NAALADL2: variants seen among roughly 807,000 people sequenced by gnomAD.
NAALADL2 encodes the protein N-acetylated alpha-linked acidic dipeptidase like 2, also known as inactive N-acetylated-alpha-linked acidic dipeptidase-like protein 2.
A neutral mutation model predicts 87.2 loss-of-function variants in NAALADL2; 76 were observed. That is an observed-to-expected ratio of 0.87 (90% CI 0.72 to 1.05). NAALADL2 has a LOEUF of 1.05. Among genes scored for constraint, NAALADL2 ranks in the 50% least tolerant of loss-of-function variants. NAALADL2 has a pLI of 0.00. For missense variants in NAALADL2, 1,089 were observed against 945.8 expected, an observed-to-expected ratio of 1.15 and a Z score of -1.99; for synonymous variants, 354 against 331.0, an observed-to-expected ratio of 1.07 and a Z score of -0.75.
intron 9 of NAALADL2, among the ~76,000 whole-genome samples, chr3:175,516,409 G>A (rs886709956): frequency 1.3e-5 from 2 of 152,280 alleles, no homozygotes; most frequent in East Asian, 3.9e-4. Flanking sequence ...TGATATGTGT[G>A]AGATAAGTGT....
chr3:175,235,235 AAAT>A (rs1195790651), intron 3 of NAALADL2: 1 of 152,144 alleles, frequency 6.6e-6, no homozygotes, highest in East Asian at 1.9e-4. Flanking sequence ...TAAATATTTG[AAAT>A]AATAACAGTA....
chr3:175,070,588 TTGAA>T (rs1715449494), intron 1 of NAALADL2, among the ~76,000 whole-genome samples: 1 of 152,076 alleles, frequency 6.6e-6, no homozygotes, highest in Admixed American at 6.6e-5. Flanking sequence ...CCTAAGGTGT[TTGAA>T]TGAGTCACTA....
intron 13 of NAALADL2, chr3:175,776,147 T>A (rs1295303238): frequency 6.6e-6 from 1 of 152,208 alleles, no homozygotes; most frequent in Non-Finnish European, 1.5e-5. Flanking sequence ...TCGTTTTGGT[T>A]GCTGCAGTGA....
At chr3:174,823,218 G>T (rs1030484028) in intron 3 of NAALADL2, among the ~76,000 whole-genome samples, 1 of 151,514 alleles carries the variant, frequency 6.6e-6, no homozygotes, top group Non-Finnish European at 1.5e-5. Context: ...TTGTCTGTTT[G>T]TTTGCTTGTT....
At chr3:175,179,713 A>G (rs1736189369) in intron 2 of NAALADL2, among the ~76,000 whole-genome samples, 1 of 151,962 alleles carries the variant, frequency 6.6e-6, no homozygotes, top group Non-Finnish European at 1.5e-5. Context: ...AAGGATTTTG[A>G]GAGGATTGCT....
chr3:174,951,694 A>G (rs374652162), intron 1 of NAALADL2, among the ~76,000 whole-genome samples: 1 of 152,106 alleles, frequency 6.6e-6, no homozygotes, highest in Non-Finnish European at 1.5e-5. Flanking sequence ...GTTGTAATCA[A>G]TATAACTTTG....
At chr3:174,990,960 C>T (rs1025366736) in intron 1 of NAALADL2, among the ~76,000 whole-genome samples, 3 of 152,246 alleles carry the variant, frequency 2.0e-5, no homozygotes, top group Admixed American at 6.5e-5. Context: ...GAATCCTGTT[C>T]ACTGTCAAAA....
intron 2 of NAALADL2, among the ~76,000 whole-genome samples, chr3:174,663,439 A>G (rs1037100543): frequency 6.6e-6 from 1 of 152,198 alleles, no homozygotes; most frequent in African/African-American, 2.4e-5. Context: ...GAAGTATGGC[A>G]GTGCTATCTG....
At chr3:174,628,357 A>G (rs1276394042) in intron 2 of NAALADL2, among the ~76,000 whole-genome samples, 1 of 151,408 alleles carries the variant, frequency 6.6e-6, no homozygotes, top group African/African-American at 2.4e-5. Context: ...GTCACCTGTA[A>G]TCCCAGCTAC....
chr3:174,482,217 T>A (rs1577999030), intron 1 of NAALADL2, among the ~76,000 whole-genome samples: 1 of 152,120 alleles, frequency 6.6e-6, no homozygotes, highest in Admixed American at 6.6e-5. Flanking sequence ...ACAGTGTTCC[T>A]GGTTGGGCCC....
chr3:174,749,386 A>G (rs1734596441), intron 3 of NAALADL2, among the ~76,000 whole-genome samples: 1 of 152,192 alleles, frequency 6.6e-6, no homozygotes, highest in South Asian at 2.1e-4. Context: ...ACGATTGTTA[A>G]TGCTTATGAT....
intron 2 of NAALADL2, among the ~76,000 whole-genome samples, chr3:174,614,491 C>T (rs1262460898): frequency 3.3e-5 from 5 of 152,170 alleles, no homozygotes; most frequent in Non-Finnish European, 7.3e-5. Flanking sequence ...CTGAGTCCAA[C>T]TCAGTGTCTC....
At chr3:174,791,633 A>G (rs1434955268) in intron 3 of NAALADL2, among the ~76,000 whole-genome samples, 1 of 152,206 alleles carries the variant, frequency 6.6e-6, no homozygotes, top group Non-Finnish European at 1.5e-5. Context: ...ATTATTTTGC[A>G]TTAACACAGC....
chr3:174,813,401 T>G (rs1298640940), intron 3 of NAALADL2, among the ~76,000 whole-genome samples: 1 of 152,180 alleles, frequency 6.6e-6, no homozygotes, highest in East Asian at 1.9e-4. Context: ...TACCCTACCT[T>G]TTCTATGTTT....
chr3:175,333,079 G>T (rs930328398), intron 5 of NAALADL2, among the ~76,000 whole-genome samples: 5 of 152,306 alleles, frequency 3.3e-5, no homozygotes, highest in South Asian at 4.1e-4. Context: ...GGTTGGACAT[G>T]TAGCCCCCAG....
chr3:175,624,050 T>G (rs1362076882), intron 10 of NAALADL2, among the ~76,000 whole-genome samples: 1 of 152,016 alleles, frequency 6.6e-6, no homozygotes, highest in Non-Finnish European at 1.5e-5. Context: ...GTTGTTTGCC[T>G]TTTCCTCTTC....
chr3:175,407,203 A>G (rs1422539096), intron 5 of NAALADL2, among the ~76,000 whole-genome samples: 1 of 152,152 alleles, frequency 6.6e-6, no homozygotes, highest in Non-Finnish European at 1.5e-5. Flanking sequence ...AAATAATAAA[A>G]GTGTCAGCTA....
intron 5 of NAALADL2, among the ~76,000 whole-genome samples, chr3:175,427,772 C>G (rs372812443): frequency 7.7e-5 from 11 of 142,816 alleles, no homozygotes; most frequent in African/African-American, 2.5e-4. Flanking sequence ...TTTTATACTT[C>G]TCCTCTAAGG....
Position 175,269,213 on chromosome 3 carries a change from A to T in NAALADL2, c.939+12683A>T, listed in dbSNP as rs1003248050. On this transcript the variant is annotated intron_variant, in intron 4 of 13. Coordinates refer to ENST00000454872, the MANE Select transcript of NAALADL2 (RefSeq NM_207015.3). ...CTCAGCCTCCCAAAATGCTGAGATT[A>T]CAGGTGTGAGCCACAGCACCTGACC... Among the ~76,000 whole-genome samples the T allele has an allele frequency of 7.9e-5, 12 of 152,218 alleles. No individual in the cohort carries two copies. The East Asian group carries it at 2.3e-3, about 29-fold the overall frequency.
Sources: allele counts gnomAD v4.1 joint callset (sites outside exome capture counted in the v4.1 genomes callset), GRCh38; gene constraint gnomAD v4.1.1; transcripts MANE v1.5; gene names NCBI Gene and HGNC (gene_info 2026-07-23, HGNC 2026-07-21).